PTPRQ: variants seen among roughly 807,000 people sequenced by gnomAD.
PTPRQ encodes phosphatidylinositol phosphatase PTPRQ.
A neutral mutation model predicts 246.0 loss-of-function variants in PTPRQ; 199 were observed. The observed-to-expected ratio is 0.81, with a 90% confidence interval of 0.72 to 0.91. The LOEUF is 0.91. Ranked by LOEUF, PTPRQ falls within the 40% of genes least tolerant of loss-of-function variation. The pLI is 0.00. For missense variants in PTPRQ, 2,624 were observed against 2,528.4 expected (o/e 1.04, Z -0.81); for synonymous variants, 869 against 853.2 (o/e 1.02, Z -0.32).
At chr12:80,656,016 T>G (rs1375360835) in intron 38 of PTPRQ, among the ~76,000 whole-genome samples, 2 of 152,118 alleles carry the variant, frequency 1.3e-5, no homozygotes, top group Admixed American at 6.6e-5. Flanking sequence ...CAAAGAAAAG[T>G]TTAGCTTGTA....
chr12:80,582,142 A>C (rs1207875434), intron 25 of PTPRQ, among the ~76,000 whole-genome samples: 1 of 152,230 alleles, frequency 6.6e-6, no homozygotes, highest in Non-Finnish European at 1.5e-5. Flanking sequence ...ATATCATTTC[A>C]TAGAGGCTGG....
intron 34 of PTPRQ, among the ~76,000 whole-genome samples, chr12:80,633,703 C>G (rs1252750448): frequency 6.6e-6 from 1 of 152,204 alleles, no homozygotes; most frequent in Non-Finnish European, 1.5e-5. Flanking sequence ...TACCACATAA[C>G]TATTTGCAGA....
chr12:80,616,803 A>G (rs986881267), intron 30 of PTPRQ, among the ~76,000 whole-genome samples: 13 of 151,184 alleles, frequency 8.6e-5, no homozygotes, highest in African/African-American at 2.4e-4. Flanking sequence ...AATTTGGGTC[A>G]TCCTTTCAAA....
chr12:80,529,857 A>G (rs138042108), intron 17 of PTPRQ, among the ~76,000 whole-genome samples: 16 of 152,234 alleles, frequency 1.1e-4, no homozygotes, highest in Non-Finnish European at 2.1e-4. Context: ...TTCGAAACCT[A>G]TTCAAAAATA....
intron 17 of PTPRQ, among the ~76,000 whole-genome samples, chr12:80,521,485 T>G (rs1895484310): frequency 1.3e-5 from 2 of 152,250 alleles, no homozygotes; most frequent in South Asian, 2.1e-4. Context: ...CTAGAGTTTT[T>G]ATGGTTTTAG....
intron 26 of PTPRQ, among the ~76,000 whole-genome samples, chr12:80,604,303 A>G (rs1476243328): frequency 6.6e-6 from 1 of 151,562 alleles, no homozygotes; most frequent in African/African-American, 2.4e-5. Context: ...AACTGTGGCT[A>G]AATCTTTCCC....
intron 14 of PTPRQ, among the ~76,000 whole-genome samples, chr12:80,505,738 C>T (rs1264635187): frequency 6.6e-6 from 1 of 151,860 alleles, no homozygotes; most frequent in Non-Finnish European, 1.5e-5. Flanking sequence ...GTGTGTTCTT[C>T]AGTGCAAGAT....
At position 80,496,293 on chromosome 12, in the gene PTPRQ, C is replaced by A; in HGVS notation, c.2034C>A (p.Thr678=). 1 of 1,550,536 alleles carries A rather than the reference C, an allele frequency of 6.4e-7. No individual in the cohort carries two copies. Among genetic ancestry groups the A allele is most frequent in the Non-Finnish European group, 8.7e-7 (1 of 1,146,402 alleles). ...SPQDVEVIDV[T]ADEIRLKWSP... ...AAGATGTCGAAGTAATTGATGTTACCGCAGATGAAATAAGGTTGAAGTGGT... is the reference window on the plus strand; with the variant it reads ...AAGATGTCGAAGTAATTGATGTTACAGCAGATGAAATAAGGTTGAAGTGGT... The change falls in exon 14 of 45, where the codon ACC becomes ACA. Residue 678 remains threonine (T), a synonymous_variant. Coordinates refer to ENST00000644991, the MANE Select transcript of PTPRQ (RefSeq NM_001145026.2).
chr12:80,612,763 G>A (rs529578719), intron 28 of PTPRQ, among the ~76,000 whole-genome samples: 1 of 150,468 alleles, frequency 6.6e-6, no homozygotes, highest in South Asian at 2.1e-4. Context: ...TAGTAATAAT[G>A]AAAACTGGAA....
At chr12:80,613,493 A>T in intron 28 of PTPRQ, 99 bp from the exon 29 acceptor site, 1 of 1,241,618 alleles carries the variant, frequency 8.1e-7, no homozygotes, top group African/African-American at 1.5e-5. Context: ...AATTTGTGGA[A>T]TACTCTTTAA....
intron 27 of PTPRQ, among the ~76,000 whole-genome samples, chr12:80,609,228 T>A (rs1898453897): frequency 6.6e-6 from 1 of 150,604 alleles, no homozygotes; most frequent in Admixed American, 6.6e-5. Flanking sequence ...TCTCTATAAA[T>A]GAGTTTCCAG....
In PTPRQ at chr12:80,534,081, T is replaced by C. The variant is rs1487138896; in HGVS notation, c.2745T>C (p.Tyr915=). 39 of 1,538,382 alleles carry C rather than the reference T, an allele frequency of 2.5e-5. No homozygotes were observed. Among genetic ancestry groups the C allele is most frequent in the Non-Finnish European group, 3.4e-5 (39 of 1,142,368 alleles). The change falls in exon 18 of 45, where the codon TAT becomes TAC. Residue 915 remains tyrosine (Y), a synonymous_variant. Coordinates refer to ENST00000644991, the MANE Select transcript of PTPRQ (RefSeq NM_001145026.2). ...ETSLELSDLD[Y]NVEYSAYVTA... is the part of the protein sequence containing the mutation. ...CATTGGAGTTATCAGATTTGGATTA[T>C]AATGTTGAATACAGTGCTTATGTAA...
chr12:80,496,351 G>T lies in PTPRQ; in HGVS notation c.2092G>T (p.Ala698Ser). The change falls in exon 14 of 45, where the codon GCT becomes TCT. Residue 698 changes from alanine (A) to serine (S), a missense_variant. Transcript: ENST00000644991. ...PPEKPNGIII[A>S]YEVLYKNIDT... ...CGAAAAGCCCAATGGGATCATTATT[G>T]CTTATGAAGTGCTATATAAAAATAT... The T allele has an allele frequency of 5.8e-6, 9 of 1,550,726 alleles. No individual in the cohort carries two copies. The highest frequency in any genetic ancestry group is 7.9e-6 in the Non-Finnish European group (9 of 1,146,466).
intron 8 of PTPRQ, among the ~76,000 whole-genome samples, chr12:80,478,162 C>A (rs1893887953): frequency 6.7e-6 from 1 of 148,164 alleles, no homozygotes; most frequent in Non-Finnish European, 1.5e-5. Flanking sequence ...AGTGGTTCTC[C>A]CAGCACGCAG....
At chr12:80,602,545 A>G (rs1382435873) in intron 26 of PTPRQ, among the ~76,000 whole-genome samples, 2 of 151,750 alleles carry the variant, frequency 1.3e-5, no homozygotes, top group Non-Finnish European at 2.9e-5. Context: ...GAGGGGAGGA[A>G]CGCGTGTCCT....
At chr12:80,543,681 T>C (rs1896221310) in intron 23 of PTPRQ, among the ~76,000 whole-genome samples, 1 of 152,116 alleles carries the variant, frequency 6.6e-6, no homozygotes, top group African/African-American at 2.4e-5. Flanking sequence ...GCATATGTAG[T>C]TTACAAATTG....
chr12:80,634,899 A>G, intron 34 of PTPRQ, 46 bp from the exon 35 acceptor site: 1 of 1,543,152 alleles, frequency 6.5e-7, no homozygotes, highest in Non-Finnish European at 8.7e-7. Context: ...AATTTTATAT[A>G]CTTTGTGTGA....
intron 25 of PTPRQ, among the ~76,000 whole-genome samples, chr12:80,581,242 G>A (rs78240963): frequency 0.018 from 2,713 of 152,184 alleles, 84 homozygotes; most frequent in African/African-American, 0.061. Context: ...ACTGGTAGTA[G>A]ATCTAAAAAA....
rs761574657 is a variant in PTPRQ at position 80,541,630 on chromosome 12, C to T, written c.3230C>T (p.Pro1077Leu). ...STAINVSWVP[P>L]AQPNGLVFYY... ...GCAATAAATGTAAGCTGGGTCCCACCGGCTCAACCAAACGGTCTAGTCTTC... is the reference window on the plus strand; with the variant it reads ...GCAATAAATGTAAGCTGGGTCCCACTGGCTCAACCAAACGGTCTAGTCTTC... The change falls in exon 21 of 45, where the codon CCG (proline) becomes CTG (leucine). Residue 1077 changes from proline to leucine, a missense_variant. By Grantham distance (98) the Pro-to-Leu change is moderately conservative. Coordinates refer to ENST00000644991, the MANE Select transcript of PTPRQ (RefSeq NM_001145026.2). The T allele has an allele frequency of 3.1e-5, 48 of 1,547,502 alleles. No homozygotes were observed. The highest frequency in any genetic ancestry group is 1.2e-4 in the African/African-American group (9 of 72,892).
Sources: allele counts gnomAD v4.1 joint callset (sites outside exome capture counted in the v4.1 genomes callset), GRCh38; gene constraint gnomAD v4.1.1; transcripts MANE v1.5; gene names NCBI Gene and HGNC (gene_info 2026-07-23, HGNC 2026-07-21).